ACP3: variants seen among roughly 807,000 people sequenced by gnomAD.
ACP3 encodes prostatic acid phosphatase.
Under a neutral mutation model 45.6 loss-of-function variants are expected in ACP3, and 38 were observed. That is an observed-to-expected ratio of 0.83 (90% CI 0.64 to 1.09). The LOEUF (loss-of-function observed/expected upper bound fraction) is 1.09. ACP3 is among the 50% of genes least tolerant of loss of function. The probability of loss-of-function intolerance (pLI) is 0.00; values close to 1 mark genes in which losing one functional copy is unlikely to be tolerated. For missense variants in ACP3, 466 were observed against 463.2 expected (o/e 1.01, Z -0.05); for synonymous variants, 162 against 164.7 (o/e 0.98, Z 0.13).
chr3:132,337,562 G>T lies in ACP3; in HGVS notation c.555+8G>T. The T allele has an allele frequency of 6.4e-7, 1 of 1,573,678 alleles. No homozygotes were observed. The highest frequency in any genetic ancestry group is 8.7e-7 in the Non-Finnish European group (1 of 1,148,670). ...AGGCTGCACCCTTATAAGGTTAAAA[G>T]CTAGTTTTGTTTAGTGGTACTTGTT... On this transcript the variant is annotated splice_region_variant and intron_variant, in intron 5 of 9. Coordinates refer to ENST00000336375, the MANE Select transcript of ACP3 (RefSeq NM_001099.5).
Position 132,345,024 on chromosome 3 carries a change from T to G in ACP3, c.746T>G (p.Ile249Ser). Residue 249 changes from isoleucine (I) to serine (S), a missense_variant, in exon 7 of 10, where the codon ATT (isoleucine) becomes AGT (serine). Coordinates refer to ENST00000336375, the MANE Select transcript of ACP3 (RefSeq NM_001099.5). Reference protein sequence around the residue: ...SELSLLSLYGIHKQKEKSRLQ... With the variant: ...SELSLLSLYGSHKQKEKSRLQ... ...TTGTCCCTCCTGTCCCTCTATGGAA[T>G]TCACAAGCAGAAAGAGAAATCTAGG... is the stretch of plus-strand genomic sequence containing the variant. The G allele has an allele frequency of 1.2e-6, 2 of 1,613,708 alleles. No homozygotes were observed. The highest frequency in any genetic ancestry group is 1.7e-6 in the Non-Finnish European group (2 of 1,179,786).
intron 9 of ACP3, among the ~76,000 whole-genome samples, chr3:132,355,550 C>T (rs56078758): frequency 0.17 from 17,889 of 104,118 alleles, 1,340 homozygotes; most frequent in Non-Finnish European, 0.26. Flanking sequence ...TGGAGTCTCG[C>T]TCTGTTGCCC....
chr3:132,317,634 T>A, intron 1 of ACP3, 58 bp downstream of exon 1: 2 of 1,559,850 alleles, frequency 1.3e-6, no homozygotes, highest in Non-Finnish European at 1.7e-6. Context: ...CAAAGTCTGA[T>A]AAGGCAAGCG....
chr3:132,327,824 T>A (rs897662651), intron 1 of ACP3, among the ~76,000 whole-genome samples: 13 of 152,126 alleles, frequency 8.5e-5, no homozygotes, highest in African/African-American at 3.1e-4. Context: ...ACTATTACTG[T>A]AATCATTAAG....
At chr3:132,352,285 C>T (rs1317817375) in intron 8 of ACP3, among the ~76,000 whole-genome samples, 1 of 152,028 alleles carries the variant, frequency 6.6e-6, no homozygotes, top group Non-Finnish European at 1.5e-5. Context: ...GCAACCTCTG[C>T]CTCCCGGGTT....
At chr3:132,338,832 T>C (rs1416463890) in intron 5 of ACP3, among the ~76,000 whole-genome samples, 1 of 152,250 alleles carries the variant, frequency 6.6e-6, no homozygotes, top group Non-Finnish European at 1.5e-5. Context: ...TATCTTCATC[T>C]AGTTAAATAC....
chr3:132,347,501 A>T (rs902752143), intron 7 of ACP3, among the ~76,000 whole-genome samples: 4 of 151,914 alleles, frequency 2.6e-5, no homozygotes, highest in Non-Finnish European at 5.9e-5. Context: ...TGTTTTTGAG[A>T]CAGGGTCTCA....
chr3:132,324,454 C>T lies in ACP3; in HGVS notation c.121-3813C>T, dbSNP rs79512486. Among the ~76,000 whole-genome samples, 1,502 of 152,118 alleles carry T rather than the reference C, an allele frequency of 9.9e-3. 13 individuals carry two copies. Among genetic ancestry groups the T allele is most frequent in the African/African-American group, 0.027 (1,115 of 41,470 alleles). On this transcript the variant is annotated intron_variant, in intron 1 of 9. Coordinates refer to ENST00000336375, the MANE Select transcript of ACP3 (RefSeq NM_001099.5). ...GTATGATGGGGAAACAGTGGGCCAACTATCATGAGAATTAGGAGATCTGGA... is the reference window on the plus strand; with the variant it reads ...GTATGATGGGGAAACAGTGGGCCAATTATCATGAGAATTAGGAGATCTGGA...
rs760770327 is a variant in ACP3, at chr3:132,342,590, T to A, written c.594T>A (p.His198Gln). ...IATLGKLSGL[H>Q]GQDLFGIWSK... ...CCTTGGGAAAACTTTCAGGATTACA[T>A]GGCCAGGACCTTTTTGGAATTTGGA... Residue 198 changes from histidine to glutamine, a missense_variant, in exon 6 of 10, where the codon CAT (histidine) becomes CAA (glutamine). By Grantham distance (24) the His-to-Gln change is conservative. Transcript: ENST00000336375. 1 of 1,613,164 alleles carries A rather than the reference T, an allele frequency of 6.2e-7. No homozygotes were observed. Among genetic ancestry groups the A allele is most frequent in the South Asian group, 1.1e-5 (1 of 90,930 alleles).
rs186815213 is a variant in ACP3, at chr3:132,324,176, C to A, written c.121-4091C>A. On this transcript the variant is annotated intron_variant, in intron 1 of 9. Transcript: ENST00000336375. ...GAGGTTGCAGTGAGCCAAGATCATG[C>A]CATTGCACTCCAGCCTGGGCAACAA... 3.3e-5 allele frequency among the ~76,000 whole-genome samples: 5 copies of A among 150,534 alleles called. No individual in the cohort carries two copies. The East Asian group carries it at 9.8e-4, about 30-fold the overall frequency.
chr3:132,337,018 T>C (rs1937502125), intron 4 of ACP3, among the ~76,000 whole-genome samples: 1 of 152,054 alleles, frequency 6.6e-6, no homozygotes, highest in Non-Finnish European at 1.5e-5. Flanking sequence ...TGACTTAAGA[T>C]TTTTTCCAGA....
intron 9 of ACP3, among the ~76,000 whole-genome samples, chr3:132,353,059 G>T (rs373019000): frequency 1.3e-5 from 2 of 152,092 alleles, no homozygotes; most frequent in African/African-American, 4.8e-5. Context: ...CTATGTAACA[G>T]AAATTACATT....
At chr3:132,332,155 C>T (rs115862588) in intron 3 of ACP3, 37 bp from the exon 4 acceptor site, 138 of 1,613,526 alleles carry the variant, frequency 8.6e-5, no homozygotes, top group Non-Finnish European at 3.1e-5. Flanking sequence ...CTCATGCTCC[C>T]TTTACGTTCG....
chr3:132,337,063 GGTGTGTGTGTGT>G (rs113543420), intron 4 of ACP3, among the ~76,000 whole-genome samples: 9 of 144,890 alleles, frequency 6.2e-5, no homozygotes, highest in East Asian at 6.1e-4. Context: ...CATGCGTTGG[GGTGTGTGTGTGT>G]GTGTGTGTGT....
At chr3:132,362,425 C>T (rs149106547), downstream of ACP3, among the ~76,000 whole-genome samples, 221 of 152,268 alleles carry the variant, frequency 1.5e-3, 1 homozygote, top group Non-Finnish European at 2.3e-3. Flanking sequence ...TTACTGAGTA[C>T]CTCTTATGTA....
intron 1 of ACP3, among the ~76,000 whole-genome samples, chr3:132,323,931 T>C (rs557177578): frequency 4.6e-5 from 7 of 152,202 alleles, no homozygotes; most frequent in Admixed American, 2.0e-4. Flanking sequence ...AAATCTCCAC[T>C]TTTAGGCTGG....
rs563343909 is a variant in ACP3 at position 132,328,495 on chromosome 3, G to A, written c.216+133G>A. 11 of 574,214 alleles carry A rather than the reference G, an allele frequency of 1.9e-5. 1 individual carries two copies. In the Middle Eastern group the frequency reaches 1.4e-3, roughly 72 times the overall value. 35.6% of individuals were successfully genotyped at this position (574,214 alleles called of 1,614,324 possible). Reference sequence around the variant, plus strand: ...GGAGTTCGAGACCAGCCTGGCCAACGTGGTGAAACCCTCTCTCTACTAAAA... The same window carrying A: ...GGAGTTCGAGACCAGCCTGGCCAACATGGTGAAACCCTCTCTCTACTAAAA... On this transcript the variant is annotated intron_variant, in intron 2 of 9. Coordinates refer to ENST00000336375, the MANE Select transcript of ACP3 (RefSeq NM_001099.5).
intron 5 of ACP3, among the ~76,000 whole-genome samples, chr3:132,337,910 T>G (rs980713009): frequency 6.6e-6 from 1 of 152,296 alleles, no homozygotes; most frequent in East Asian, 1.9e-4. Context: ...ATACAAAGGA[T>G]AGTCTTTTTT....
rs568716010 is a variant in ACP3 at position 132,356,614 on chromosome 3, G to T, written c.969-72G>T. The stretch of plus-strand genomic sequence containing the variant: ...CCTCAACTGGCATGTAATAGTCCAA[G>T]TGGAAAGAAATTCAGTGGCAGTTCA... On this transcript the variant is annotated intron_variant, in intron 9 of 9. Coordinates refer to ENST00000336375, the MANE Select transcript of ACP3 (RefSeq NM_001099.5). The T allele has an allele frequency of 6.8e-6, 11 of 1,605,868 alleles. No individual in the cohort carries two copies. In the South Asian group the frequency reaches 1.2e-4, roughly 18 times the overall value.
Sources: allele counts gnomAD v4.1 joint callset (sites outside exome capture counted in the v4.1 genomes callset), GRCh38; gene constraint gnomAD v4.1.1; transcripts MANE v1.5; gene names NCBI Gene and HGNC (gene_info 2026-07-23, HGNC 2026-07-21).